Variants in CBX1 observed in about 807,000 individuals in gnomAD.
The protein encoded by CBX1 is chromobox protein homolog 1.
A neutral mutation model predicts 25.1 loss-of-function variants in CBX1; 10 were observed. The observed-to-expected ratio is 0.40, with a 90% CI of 0.25 to 0.68. The LOEUF (loss-of-function observed/expected upper bound fraction) is 0.68. Among genes scored for constraint, CBX1 ranks in the 30% least tolerant of loss-of-function variants. CBX1 has a pLI of 0.40. For missense variants in CBX1, 106 were observed against 218.5 expected (o/e 0.49, Z 3.25); for synonymous variants, 63 against 79.4 (o/e 0.79, Z 1.10).
rs542699673 is a variant in CBX1 at position 48,091,975 on chromosome 17, A to G, written c.-38+9293T>C. Among the ~76,000 whole-genome samples the G allele has an allele frequency of 2.3e-3, 318 of 135,836 alleles. 1 individual carries two copies. Among genetic ancestry groups the G allele is most frequent in the Non-Finnish European group, 3.3e-3 (212 of 64,586 alleles). 89.1% of individuals were successfully genotyped at this position (135,836 alleles called of 152,430 possible). On this transcript the variant is annotated intron_variant, in intron 1 of 4. Transcript: ENST00000225603. ...GTTACAGGCGTGAGCCACCATGCCC[A>G]GCCAGATCTTTTTTTTTTTTTTTTT...
chr17:48,088,367 T>G (rs1377018906), intron 1 of CBX1: 1 of 150,510 alleles, frequency 6.6e-6, no homozygotes, highest in Non-Finnish European at 1.5e-5. Context: ...ACGCCTATAA[T>G]CCCAGCACTT....
chr17:48,098,434 A>AT (rs1567771571), intron 1 of CBX1, among the ~76,000 whole-genome samples: 1 of 152,182 alleles, frequency 6.6e-6, no homozygotes, highest in Non-Finnish European at 1.5e-5. Flanking sequence ...TCATTCATTC[A>AT]TCAACAATCT....
At chr17:48,084,014 C>T (rs1160908687) in intron 1 of CBX1, among the ~76,000 whole-genome samples, 1 of 149,956 alleles carries the variant, frequency 6.7e-6, no homozygotes, top group Admixed American at 6.6e-5. Context: ...TGTTTAGACA[C>T]AGGGTGTCGC....
chr17:48,076,663 C>T lies in CBX1; in HGVS notation c.140+202G>A, dbSNP rs138971356. ...TCCAGCCTGGGTGACAGAGCGAGAC[C>T]TCGTCTCAAAAGAAATAATTTTTAA... On this transcript the variant is annotated intron_variant, in intron 2 of 4. Coordinates refer to ENST00000225603, the MANE Select transcript of CBX1 (RefSeq NM_001127228.2). Among the ~76,000 whole-genome samples, 25 of 152,204 alleles carry T rather than the reference C, an allele frequency of 1.6e-4. 1 individual carries two copies. Among genetic ancestry groups the T allele is most frequent in the African/African-American group, 6.0e-4 (25 of 41,536 alleles).
intron 1 of CBX1, among the ~76,000 whole-genome samples, chr17:48,098,545 T>G (rs981973565): frequency 6.6e-6 from 1 of 152,222 alleles, no homozygotes; most frequent in African/African-American, 2.4e-5. Flanking sequence ...TTGCCCAGGC[T>G]GGAGTGCAAT....
chr17:48,092,930 C>T (rs1459379822), intron 1 of CBX1, among the ~76,000 whole-genome samples: 7 of 151,862 alleles, frequency 4.6e-5, no homozygotes, highest in Non-Finnish European at 5.9e-5. Flanking sequence ...ATGAGCCGGA[C>T]GTGGTGGCGC....
intron 1 of CBX1, chr17:48,088,862 T>A (rs1056745632): frequency 1.3e-5 from 2 of 151,134 alleles, no homozygotes; most frequent in Non-Finnish European, 2.9e-5. Flanking sequence ...GCTGCCATAG[T>A]ATTCCATTGT....
intron 1 of CBX1, among the ~76,000 whole-genome samples, chr17:48,088,478 G>A (rs1002611208): frequency 1.3e-5 from 2 of 151,948 alleles, no homozygotes; most frequent in African/African-American, 4.8e-5. Flanking sequence ...AATTAGCCGG[G>A]CGTGGTGGCG....
At chr17:48,095,355 T>C (rs945917034) in intron 1 of CBX1, among the ~76,000 whole-genome samples, 8 of 152,262 alleles carry the variant, frequency 5.3e-5, no homozygotes, top group African/African-American at 1.9e-4. Flanking sequence ...TTTGGGAGGC[T>C]GAGGCAGGCA....
At chr17:48,080,867 GC>G (rs1467372307) in intron 1 of CBX1, among the ~76,000 whole-genome samples, 2 of 130,470 alleles carry the variant, frequency 1.5e-5, no homozygotes, top group African/African-American at 5.8e-5. Context: ...GTTGCAGTGA[GC>G]CGAGATCGCG....
intron 4 of CBX1, among the ~76,000 whole-genome samples, chr17:48,072,048 G>A (rs1362070691): frequency 6.7e-6 from 1 of 148,970 alleles, no homozygotes; most frequent in Non-Finnish European, 1.5e-5. Flanking sequence ...CCAGCCTGGA[G>A]TGCAGTGGCA....
chr17:48,076,602 T>C (rs1244234655), intron 2 of CBX1, among the ~76,000 whole-genome samples: 1 of 152,030 alleles, frequency 6.6e-6, no homozygotes, highest in Non-Finnish European at 1.5e-5. Context: ...GCCTGGGAGG[T>C]TGAGGCTGCA....
intron 1 of CBX1, among the ~76,000 whole-genome samples, chr17:48,083,911 C>A (rs1270636835): frequency 2.0e-5 from 3 of 150,636 alleles, no homozygotes; most frequent in Non-Finnish European, 4.4e-5. Context: ...CCATGTTTAT[C>A]TGCAAAGTTT....
chr17:48,093,027 A>G (rs1485304697), intron 1 of CBX1, among the ~76,000 whole-genome samples: 1 of 143,760 alleles, frequency 7.0e-6, no homozygotes, highest in Non-Finnish European at 1.5e-5. Flanking sequence ...CCGAGATCAC[A>G]CCATTGCACT....
chr17:48,092,275 C>A (rs1202588241), intron 1 of CBX1, among the ~76,000 whole-genome samples: 2 of 151,714 alleles, frequency 1.3e-5, no homozygotes, highest in Non-Finnish European at 2.9e-5. Flanking sequence ...CAGGACTGAG[C>A]CACCATGCCC....
At chr17:48,091,252 T>TA (rs2063342245) in intron 1 of CBX1, among the ~76,000 whole-genome samples, 1 of 152,228 alleles carries the variant, frequency 6.6e-6, no homozygotes, top group Admixed American at 6.6e-5. Context: ...TATCACTTCT[T>TA]ACTTCATTCC....
In CBX1 at chr17:48,091,535, C is replaced by CTTTT. The variant is rs4053473; in HGVS notation, c.-38+9729_-38+9732dup. Among the ~76,000 whole-genome samples, 293 of 72,158 alleles carry CTTTT rather than the reference C, an allele frequency of 4.1e-3. 8 individuals carry two copies. The highest frequency in any genetic ancestry group is 0.014 in the African/African-American group (271 of 19,152). The allele number at this position is 72,158 out of a possible 152,430, so 47.3% of individuals were successfully genotyped here. On this transcript the variant is annotated intron_variant, in intron 1 of 4. Transcript: ENST00000225603. ...GATTACAGGTGCCCGCCACCATGCCCTTTTTTTTTTTTTTTTTTTTTTTTT... is the reference window on the plus strand; with the variant it reads ...GATTACAGGTGCCCGCCACCATGCCCTTTTTTTTTTTTTTTTTTTTTTTTTTTTT...
Position 48,097,579 on chromosome 17 carries a change from T to C in CBX1, c.-38+3689A>G, listed in dbSNP as rs61523482. Among the ~76,000 whole-genome samples, 244 of 149,354 alleles carry C rather than the reference T, an allele frequency of 1.6e-3. 1 individual carries two copies. Among genetic ancestry groups the C allele is most frequent in the African/African-American group, 5.2e-3 (211 of 40,390 alleles). On this transcript the variant is annotated intron_variant, in intron 1 of 4. Transcript: ENST00000225603. ...TTGCAGTGAGCTGAGATCGCGCCAC[T>C]GCACTCCAGCTTTGGCGACAGAGCG...
At chr17:48,073,806 G>GA (rs2037648504) in intron 4 of CBX1, among the ~76,000 whole-genome samples, 1 of 108,928 alleles carries the variant, frequency 9.2e-6, no homozygotes, top group Non-Finnish European at 1.8e-5. Context: ...CAGCCTGGGC[G>GA]AAAGAGTGAG....
Sources: allele counts gnomAD v4.1 joint callset (sites outside exome capture counted in the v4.1 genomes callset), GRCh38; gene constraint gnomAD v4.1.1; transcripts MANE v1.5; gene names NCBI Gene and HGNC (gene_info 2026-07-23, HGNC 2026-07-21).